The following PREX2 variants were observed in gnomAD, a reference collection of about 807,000 sequenced individuals.
PREX2 encodes the protein phosphatidylinositol-3,4,5-trisphosphate dependent Rac exchange factor 2, also known as phosphatidylinositol 3,4,5-trisphosphate-dependent Rac exchanger 2 protein.
A neutral mutation model predicts 203.2 loss-of-function variants in PREX2; 107 were observed. The observed-to-expected ratio is 0.53, with a 90% CI of 0.45 to 0.62. The LOEUF (loss-of-function observed/expected upper bound fraction) is 0.62. PREX2 is among the 20% of genes least tolerant of loss of function. PREX2 has a pLI of 0.00. For missense variants in PREX2, 1,777 were observed against 1,955.9 expected, an observed-to-expected ratio of 0.91 and a Z score of 1.72; for synonymous variants, 672 against 663.6, an observed-to-expected ratio of 1.01 and a Z score of -0.19.
chr8:68,081,351 GT>G (rs940287086), intron 17 of PREX2, among the ~76,000 whole-genome samples: 1 of 152,142 alleles, frequency 6.6e-6, no homozygotes, highest in African/African-American at 2.4e-5. Flanking sequence ...CCTTTTGTGC[GT>G]CTGGTTCCTG....
chr8:68,096,710 T>C (rs1725771732), intron 21 of PREX2, among the ~76,000 whole-genome samples: 1 of 152,002 alleles, frequency 6.6e-6, no homozygotes, highest in South Asian at 2.1e-4. Flanking sequence ...ATGTCTTTAA[T>C]AAAAAAAATT....
rs187057794 is a variant in PREX2, at chr8:68,204,924, G to A, written c.4604+12399G>A. On this transcript the variant is annotated intron_variant, in intron 37 of 39. Transcript: ENST00000288368. The stretch of plus-strand genomic sequence containing the variant: ...TCTCGATCTCCTGACCTCGTGATCC[G>A]CCCGCCTCGGCCTCCCAAAGTGCTG... Among the ~76,000 whole-genome samples the A allele has an allele frequency of 9.0e-3, 1,369 of 151,444 alleles. 56 individuals carry two copies. In the East Asian group the frequency reaches 0.11, roughly 12 times the overall value.
chr8:68,053,298 A>G (rs931722205), intron 9 of PREX2, 52 bp downstream of exon 9: 3 of 1,562,022 alleles, frequency 1.9e-6, no homozygotes, highest in African/African-American at 1.4e-5. Flanking sequence ...CTAACTTAGC[A>G]TAGGAGCAGA....
At chr8:68,092,135 C>T (rs947662892) in intron 20 of PREX2, among the ~76,000 whole-genome samples, 58 of 152,056 alleles carry the variant, frequency 3.8e-4, no homozygotes, top group Admixed American at 1.4e-3. Context: ...CAGTCTCTAA[C>T]GGGGTTTTCT....
At chr8:67,960,717 G>T (rs1382493714) in intron 1 of PREX2, among the ~76,000 whole-genome samples, 1 of 152,054 alleles carries the variant, frequency 6.6e-6, no homozygotes, top group Non-Finnish European at 1.5e-5. Flanking sequence ...TTTTCTGTCT[G>T]ATGTTCTGTT....
intron 37 of PREX2, among the ~76,000 whole-genome samples, chr8:68,215,678 G>A (rs1460146707): frequency 2.0e-5 from 3 of 150,582 alleles, no homozygotes; most frequent in African/African-American, 7.4e-5. Context: ...GGGACTACAG[G>A]CACCCACCAC....
chr8:68,062,503 G>A (rs984782996), intron 11 of PREX2, among the ~76,000 whole-genome samples: 2 of 152,174 alleles, frequency 1.3e-5, no homozygotes, highest in African/African-American at 4.8e-5. Flanking sequence ...TTGCACTGTG[G>A]CCACCCTGAC....
chr8:68,050,435 C>T (rs58981073), intron 8 of PREX2, among the ~76,000 whole-genome samples: 28,442 of 151,856 alleles, frequency 0.19, 2,733 homozygotes, highest in African/African-American at 0.23. Flanking sequence ...GGGGGAGGTT[C>T]TATACATTTT....
intron 39 of PREX2, among the ~76,000 whole-genome samples, chr8:68,226,558 T>G (rs1264838227): frequency 6.6e-6 from 1 of 152,218 alleles, no homozygotes; most frequent in Non-Finnish European, 1.5e-5. Context: ...TGAGATACTA[T>G]TTGATTCAAA....
chr8:68,148,774 G>T (rs1226662686), intron 34 of PREX2, among the ~76,000 whole-genome samples: 42 of 152,194 alleles, frequency 2.8e-4, no homozygotes. Context: ...TCACAGATAG[G>T]TAAACAAGAT....
rs567533952 is a variant in PREX2 at position 67,963,669 on chromosome 8, AT to A, written c.141+11144del. Among the ~76,000 whole-genome samples, 339 of 149,908 alleles carry A rather than the reference AT, an allele frequency of 2.3e-3. 2 individuals carry two copies. Among genetic ancestry groups the A allele is most frequent in the African/African-American group, 4.7e-3 (193 of 40,952 alleles). ...GTTTTTCCTTTAGAAAAAGAATAGT[AT>A]TTTTTTTTTACCTGTACTTAACATA... is the stretch of plus-strand genomic sequence containing the variant. On this transcript the variant is annotated intron_variant, in intron 1 of 39. Coordinates refer to ENST00000288368, the MANE Select transcript of PREX2 (RefSeq NM_024870.4).
chr8:68,216,526 A>T (rs1585870636), intron 37 of PREX2, among the ~76,000 whole-genome samples: 1 of 135,540 alleles, frequency 7.4e-6, no homozygotes, highest in African/African-American at 3.5e-5. Flanking sequence ...GCAAAAGAAC[A>T]TTTTTTTAAT....
intron 17 of PREX2, among the ~76,000 whole-genome samples, chr8:68,081,835 C>T (rs923284489): frequency 1.3e-5 from 2 of 151,340 alleles, no homozygotes; most frequent in Admixed American, 6.6e-5. Flanking sequence ...GCTGGGATTA[C>T]AGGCCCATGC....
At chr8:68,177,815 G>A (rs959770855) in intron 35 of PREX2, among the ~76,000 whole-genome samples, 1 of 151,908 alleles carries the variant, frequency 6.6e-6, no homozygotes, top group South Asian at 2.1e-4. Flanking sequence ...GCTCCAATGT[G>A]TGTTGTTCCC....
chr8:68,051,342 T>C (rs988673517), intron 8 of PREX2, among the ~76,000 whole-genome samples: 4 of 146,726 alleles, frequency 2.7e-5, no homozygotes, highest in African/African-American at 5.5e-5. Context: ...GTTAAAGGTA[T>C]AATAACATGA....
chr8:68,109,092 T>A (rs1810479280), intron 24 of PREX2: 4 of 437,530 alleles, frequency 9.1e-6, no homozygotes, highest in South Asian at 7.2e-5. Flanking sequence ...GATATAAAAT[T>A]TCAATCAGAT....
At chr8:68,155,910 AC>A (rs1310636654) in intron 34 of PREX2, among the ~76,000 whole-genome samples, 1 of 152,256 alleles carries the variant, frequency 6.6e-6, no homozygotes, top group East Asian at 1.9e-4. Context: ...AGATATTATA[AC>A]TAAATTGACA....
intron 39 of PREX2, among the ~76,000 whole-genome samples, chr8:68,226,111 A>C (rs2129615520): frequency 6.6e-6 from 1 of 152,340 alleles, no homozygotes; most frequent in Admixed American, 6.5e-5. Context: ...AGTTGACATT[A>C]TCTACAAGGG....
rs950925285 is a variant in PREX2 at position 68,221,212 on chromosome 8, A to G, written c.4708-3347A>G. ...AACATGATTTTATCCTTTTTATGGC[A>G]TATAATATTCCATGGTGTATATGTA... On this transcript the variant is annotated intron_variant, in intron 38 of 39. Coordinates refer to ENST00000288368, the MANE Select transcript of PREX2 (RefSeq NM_024870.4). 2.6e-5 allele frequency among the ~76,000 whole-genome samples: 4 copies of G among 152,166 alleles called. No individual in the cohort carries two copies. The East Asian group carries it at 7.7e-4, about 29-fold the overall frequency.
Sources: allele counts gnomAD v4.1 joint callset (sites outside exome capture counted in the v4.1 genomes callset), GRCh38; gene constraint gnomAD v4.1.1; transcripts MANE v1.5; gene names NCBI Gene and HGNC (gene_info 2026-07-23, HGNC 2026-07-21).